The following SMPD4 variants were observed in gnomAD, a reference collection of about 807,000 sequenced individuals.
SMPD4 encodes the protein neutral sphingomyelinase 3.
Under a neutral mutation model 97.8 loss-of-function variants are expected in SMPD4, and 58 were observed. The observed-to-expected ratio is 0.59, with a 90% CI of 0.48 to 0.74. The LOEUF is 0.74. SMPD4 is among the 30% of genes least tolerant of loss of function. The probability of loss-of-function intolerance (pLI) is 0.00; values close to 1 mark genes in which losing one functional copy is unlikely to be tolerated. For synonymous variants in SMPD4, 388 were observed against 450.0 expected (o/e 0.86, Z 1.74); for missense variants, 853 against 1,080.5 (o/e 0.79, Z 2.95).
chr2:130,158,884 C>T (rs926916169), intron 11 of SMPD4, among the ~76,000 whole-genome samples: 1 of 152,198 alleles, frequency 6.6e-6, no homozygotes, highest in Non-Finnish European at 1.5e-5. Flanking sequence ...CCCGCACGGG[C>T]CACTGCCCAT....
intron 10 of SMPD4, 142 bp downstream of exon 10, chr2:130,164,232 A>G (rs993147578): frequency 2.8e-6 from 2 of 723,700 alleles, no homozygotes; most frequent in African/African-American, 3.5e-5. Context: ...CCCACTTCTT[A>G]TTTGGCTTCT....
Position 130,152,420 on chromosome 2 carries a change from C to T in SMPD4, c.*135G>A, listed in dbSNP as rs1162636741. Reference sequence around the variant, plus strand: ...GTTGCGTTTCCTCCAGATGCCTCTGCGGCTGCAGGAACCCCGCTCCAGAAG... The same window carrying T: ...GTTGCGTTTCCTCCAGATGCCTCTGTGGCTGCAGGAACCCCGCTCCAGAAG... On this transcript the variant is annotated 3_prime_UTR_variant, in exon 20 of 20. Coordinates refer to ENST00000680298, the MANE Select transcript of SMPD4 (RefSeq NM_017951.5). 1.8e-5 allele frequency: 19 copies of T among 1,031,668 alleles called. No individual in the cohort carries two copies. Among genetic ancestry groups the T allele is most frequent in the East Asian group, 1.6e-4 (6 of 37,982 alleles). 63.9% of individuals were successfully genotyped at this position (1,031,668 alleles called of 1,614,324 possible). A position where few individuals can be genotyped will look rare whatever the true frequency, so the allele number is the denominator to read the frequency against.
Position 130,156,221 on chromosome 2 carries a change from G to A in SMPD4, c.1189-86C>T, listed in dbSNP as rs142369018. The A allele has an allele frequency of 3.9e-4, 465 of 1,187,102 alleles. No individual in the cohort carries two copies. In the African/African-American group the frequency reaches 6.2e-3, roughly 16 times the overall value. The allele number at this position is 1,187,102 out of a possible 1,614,324, so 73.5% of individuals were successfully genotyped here. On this transcript the variant is annotated intron_variant, in intron 13 of 19. Transcript: ENST00000680298. ...AGCCCAGATACCAGGCGGCAGCTGG[G>A]TGGGACTGACTCTTCTCACTTCCTC... is the stretch of plus-strand genomic sequence containing the variant.
intron 9 of SMPD4, 26 bp downstream of exon 9, chr2:130,167,432 T>C: frequency 6.2e-7 from 1 of 1,612,218 alleles, no homozygotes; most frequent in East Asian, 2.2e-5. Context: ...GGCTGAACAG[T>C]TTCTTTTGAC....
rs150701639 is a variant in SMPD4, at chr2:130,152,693, C to T, written c.2346G>A (p.Ser782=). ...AGGCCACGAAGAAGGCCAGCAGCAG[C>T]GAGACCAGCGTCCGGTAACTGCCCA... ...RFLGSYRTLV[S]LLLAFFVASL... The change falls in exon 20 of 20, where the codon TCG becomes TCA. Residue 782 remains serine (S), a synonymous_variant. Coordinates refer to ENST00000680298, the MANE Select transcript of SMPD4 (RefSeq NM_017951.5). 6.5e-5 allele frequency: 103 copies of T among 1,573,476 alleles called. No individual in the cohort carries two copies. In the African/African-American group the frequency reaches 8.0e-4, roughly 12 times the overall value.
intron 10 of SMPD4, among the ~76,000 whole-genome samples, chr2:130,162,044 A>C (rs537923813): frequency 1.0e-3 from 159 of 152,308 alleles, no homozygotes; most frequent in Middle Eastern, 6.8e-3. Context: ...CCACCCTCAT[A>C]GTCTGGACGT....
At position 130,172,414 on chromosome 2, in the gene SMPD4, G is replaced by C. The variant is rs145875881; in HGVS notation, c.594C>G (p.Thr198=). 25 of 1,611,636 alleles carry C rather than the reference G, an allele frequency of 1.6e-5. No homozygotes were observed. Among genetic ancestry groups the C allele is most frequent in the Non-Finnish European group, 2.0e-5 (24 of 1,179,066 alleles). The change falls in exon 8 of 20, where the codon ACC becomes ACG. Residue 198 remains threonine (T), a synonymous_variant. Transcript: ENST00000680298. ...AGAGTGGTGGGGGCACACTGCCTTC[G>C]GTGGGCAGGAACCATGACAGGTACC... The part of the protein sequence containing the change: ...VDRYLSWFLP[T]EGSVPPPLSS...
chr2:130,157,456 C>T (rs1686927571), intron 11 of SMPD4, 60 bp from the exon 12 acceptor site: 2 of 1,603,564 alleles, frequency 1.2e-6, no homozygotes, highest in Admixed American at 1.7e-5. Flanking sequence ...AGCACTCCGC[C>T]TCCAGGTCTG....
intron 8 of SMPD4, among the ~76,000 whole-genome samples, chr2:130,169,847 C>G (rs1233057629): frequency 6.6e-6 from 1 of 152,142 alleles, no homozygotes; most frequent in Non-Finnish European, 1.5e-5. Context: ...CCACTGTGCT[C>G]AGCCTGCAAG....
At chr2:130,155,723 C>G (rs959126734) in intron 14 of SMPD4, among the ~76,000 whole-genome samples, 2 of 152,044 alleles carry the variant, frequency 1.3e-5, no homozygotes, top group Non-Finnish European at 2.9e-5. Flanking sequence ...CTGCTCTGTT[C>G]TGTGCTGATG....
At position 130,152,813 on chromosome 2, in the gene SMPD4, T is replaced by C. The variant is rs543041112; in HGVS notation, c.2226A>G (p.Thr742=). ...GGTGCCTGCTGGCCAGCCCAGGTTCTGTGAGGTGGTAGCGACAGAAGCTGC... is the reference window on the plus strand; with the variant it reads ...GGTGCCTGCTGGCCAGCCCAGGTTCCGTGAGGTGGTAGCGACAGAAGCTGC... The part of the protein sequence containing the change: ...FLGSFCRYHL[T]EPGLASRHLL... The change falls in exon 20 of 20, where the codon ACA becomes ACG. Residue 742 remains threonine (T), a synonymous_variant. Coordinates refer to ENST00000680298, the MANE Select transcript of SMPD4 (RefSeq NM_017951.5). 9.9e-6 allele frequency: 16 copies of C among 1,608,092 alleles called. No homozygotes were observed. In the Admixed American group the frequency reaches 2.7e-4, roughly 27 times the overall value.
Position 130,155,279 on chromosome 2 carries a change from G to A in SMPD4, c.1290-20C>T. The A allele has an allele frequency of 6.2e-7, 1 of 1,613,602 alleles. No individual in the cohort carries two copies. Among genetic ancestry groups the A allele is most frequent in the Non-Finnish European group, 8.5e-7 (1 of 1,179,784 alleles). ...GGTGCCCTGGGGACCGAGGTGGCAGGTTGGGGCCAGCCTTCCAACTGGAAG... is the reference window on the plus strand; with the variant it reads ...GGTGCCCTGGGGACCGAGGTGGCAGATTGGGGCCAGCCTTCCAACTGGAAG... On this transcript the variant is annotated intron_variant, in intron 14 of 19. Coordinates refer to ENST00000680298, the MANE Select transcript of SMPD4 (RefSeq NM_017951.5).
At chr2:130,162,067 T>C (rs1323585030) in intron 10 of SMPD4, among the ~76,000 whole-genome samples, 1 of 152,086 alleles carries the variant, frequency 6.6e-6, no homozygotes, top group Non-Finnish European at 1.5e-5. Flanking sequence ...GCTAAGGTGG[T>C]GTGCACATCA....
rs775407470 is a variant in SMPD4, at chr2:130,172,357, T to C, written c.651A>G (p.Pro217=). 143 of 1,587,582 alleles carry C rather than the reference T, an allele frequency of 9.0e-5. No homozygotes were observed. Among genetic ancestry groups the C allele is most frequent in the Non-Finnish European group, 1.0e-4 (122 of 1,166,170 alleles). Reference sequence around the variant, plus strand: ...ACAAAGGGCAGCCTTACCTGGGAGGTGGTGAGGGGCTGGTCCCCCCTGGGC... The same window carrying C: ...ACAAAGGGCAGCCTTACCTGGGAGGCGGTGAGGGGCTGGTCCCCCCTGGGC... ...SSSPGGTSPS[P]PPRTPAIPFA... is the part of the protein sequence containing the mutation. The change falls in exon 8 of 20, where the codon CCA becomes CCG. Residue 217 remains proline (P), a synonymous_variant. Coordinates refer to ENST00000680298, the MANE Select transcript of SMPD4 (RefSeq NM_017951.5).
intron 8 of SMPD4, among the ~76,000 whole-genome samples, chr2:130,171,326 T>C (rs1573717387): frequency 6.6e-6 from 1 of 151,876 alleles, no homozygotes; most frequent in Admixed American, 6.6e-5. Flanking sequence ...TGGTCTCGAA[T>C]TCCTGACCTC....
At chr2:130,176,322 T>C (rs1232424080) in intron 2 of SMPD4, among the ~76,000 whole-genome samples, 1 of 152,062 alleles carries the variant, frequency 6.6e-6, no homozygotes, top group Non-Finnish European at 1.5e-5. Flanking sequence ...GTAGAGAAAA[T>C]AGAATTTGAA....
intron 8 of SMPD4, among the ~76,000 whole-genome samples, chr2:130,169,727 T>C: frequency 6.6e-6 from 1 of 152,110 alleles, no homozygotes; most frequent in Non-Finnish European, 1.5e-5. Context: ...GGCTAATTTT[T>C]TTTTTGTAGA....
At chr2:130,180,918 T>TAG (rs1470749993) in intron 1 of SMPD4, among the ~76,000 whole-genome samples, 4 of 152,214 alleles carry the variant, frequency 2.6e-5, no homozygotes, top group Non-Finnish European at 5.9e-5. Context: ...GCCATGCACC[T>TAG]AGAGTCCACT....
In SMPD4 at chr2:130,181,301, C is replaced by T. The variant is rs1281180645; in HGVS notation, c.-46+229G>A. Reference sequence around the variant, plus strand: ...AACCTTCAGCGAACACCTACCGGACCGGGACAGAGTGTACGAGCCGCGCGG... The same window carrying T: ...AACCTTCAGCGAACACCTACCGGACTGGGACAGAGTGTACGAGCCGCGCGG... On this transcript the variant is annotated intron_variant, in intron 1 of 19. Transcript: ENST00000680298. 8.5e-6 allele frequency: 12 copies of T among 1,411,796 alleles called. No individual in the cohort carries two copies. The African/African-American group carries it at 8.7e-5, about 10-fold the overall frequency. The allele number at this position is 1,411,796 out of a possible 1,614,324, so 87.5% of individuals were successfully genotyped here.
Sources: gnomAD v4.1 joint callset for allele counts (sites outside exome capture counted in the v4.1 genomes callset) on GRCh38, gnomAD v4.1.1 for gene constraint, MANE v1.5 for transcripts, NCBI Gene and HGNC (gene_info 2026-07-23, HGNC 2026-07-21) for gene names.